Variants in DNAH7 observed in about 807,000 individuals in gnomAD.
DNAH7 encodes the protein dynein axonemal heavy chain 7.
DNAH7 carries 397 observed loss-of-function variants against 444.6 expected under a neutral mutation model. The observed-to-expected ratio is 0.89, with a 90% CI of 0.82 to 0.97. DNAH7 has a LOEUF of 0.97. DNAH7 is among the 50% of genes least tolerant of loss of function. The pLI, the probability that DNAH7 is intolerant of heterozygous loss-of-function variation, is 0.00. For synonymous variants in DNAH7, 1,636 were observed against 1,624.4 expected, an observed-to-expected ratio of 1.01 and a Z score of -0.17; for missense variants, 4,902 against 4,800.8, an observed-to-expected ratio of 1.02 and a Z score of -0.62.
chr2:195,992,271 C>T (rs1323020401), intron 12 of DNAH7, among the ~76,000 whole-genome samples: 1 of 152,232 alleles, frequency 6.6e-6, no homozygotes, highest in Non-Finnish European at 1.5e-5. Flanking sequence ...CCCAATGCTT[C>T]CTCTCGGACC....
intron 62 of DNAH7, among the ~76,000 whole-genome samples, chr2:195,755,184 T>C (rs1694013147): frequency 2.0e-5 from 3 of 152,208 alleles, no homozygotes; most frequent in African/African-American, 4.8e-5. Flanking sequence ...ACTTTTCTTC[T>C]CTCTCTAATT....
chr2:195,987,680 T>C (rs983008805), intron 13 of DNAH7, among the ~76,000 whole-genome samples: 4 of 152,012 alleles, frequency 2.6e-5, no homozygotes, highest in African/African-American at 7.2e-5. Flanking sequence ...AAAAATCAAA[T>C]AGGTTCTTGG....
rs765756348 is a variant in DNAH7, at chr2:196,012,929, G to A, written c.870-23C>T. The A allele has an allele frequency of 2.1e-6, 3 of 1,424,542 alleles. No individual in the cohort carries two copies. The African/African-American group carries it at 4.4e-5, about 21-fold the overall frequency. 88.2% of individuals were successfully genotyped at this position (1,424,542 alleles called of 1,614,324 possible). ...TTTCTGCAAAAGATAAAAATAAACA[G>A]TAATTTAACAATGACTTTTTTGGTA... On this transcript the variant is annotated intron_variant, in intron 9 of 64. Coordinates refer to ENST00000312428, the MANE Select transcript of DNAH7 (RefSeq NM_018897.3).
chr2:196,047,968 T>A (rs932660182), intron 4 of DNAH7, among the ~76,000 whole-genome samples: 2 of 152,016 alleles, frequency 1.3e-5, no homozygotes, highest in Non-Finnish European at 2.9e-5. Context: ...CCACAAAAAA[T>A]TTTAAAAAGA....
At chr2:195,872,557 A>G in intron 39 of DNAH7, 88 bp from the exon 40 acceptor site, 1 of 769,468 alleles carries the variant, frequency 1.3e-6, no homozygotes, top group Non-Finnish European at 2.0e-6. Context: ...GACCAACATA[A>G]AATTTTAATT....
intron 12 of DNAH7, chr2:195,995,137 C>G: frequency 3.7e-6 from 1 of 270,780 alleles, no homozygotes; most frequent in South Asian, 4.0e-5. Context: ...ACCATGTTGG[C>G]CAGGATGGTC....
intron 51 of DNAH7, among the ~76,000 whole-genome samples, chr2:195,810,319 C>A (rs1361905922): frequency 2.0e-5 from 3 of 152,056 alleles, no homozygotes; most frequent in Non-Finnish European, 4.4e-5. Context: ...TTCATAAAAG[C>A]TGAAGAAATC....
chr2:195,883,460 C>CCCG (rs1553548166), intron 35 of DNAH7, among the ~76,000 whole-genome samples: 13 of 149,754 alleles, frequency 8.7e-5, no homozygotes, highest in African/African-American at 3.2e-4. Context: ...CTCCCCCCCC[C>CCCG]CAAAAAAAAA....
chr2:195,868,587 A>T (rs1700490363), intron 40 of DNAH7, among the ~76,000 whole-genome samples: 1 of 149,690 alleles, frequency 6.7e-6, no homozygotes, highest in Non-Finnish European at 1.5e-5. Context: ...TTCTTTATGT[A>T]TTGTGGATAC....
intron 36 of DNAH7, among the ~76,000 whole-genome samples, 196 bp from the exon 37 acceptor site, chr2:195,876,895 C>G (rs16841373): frequency 0.017 from 2,570 of 152,224 alleles, 78 homozygotes; most frequent in African/African-American, 0.058. Flanking sequence ...TTGCATGTGA[C>G]TTCTCTGGTT....
At chr2:196,065,730 G>A (rs186351107) in intron 1 of DNAH7, among the ~76,000 whole-genome samples, 102 of 152,288 alleles carry the variant, frequency 6.7e-4, no homozygotes, top group African/African-American at 2.4e-3. Flanking sequence ...CATTCCAAGC[G>A]TCTAGCACTC....
At position 195,799,206 on chromosome 2, in the gene DNAH7, T is replaced by C; in HGVS notation, c.10353+90A>G. The C allele has an allele frequency of 3.4e-6, 4 of 1,170,490 alleles. No homozygotes were observed. The East Asian group carries it at 1.1e-4, about 33-fold the overall frequency. The allele number at this position is 1,170,490 out of a possible 1,614,324, so 72.5% of individuals were successfully genotyped here. A position where few individuals can be genotyped will look rare whatever the true frequency, so the allele number is the denominator to read the frequency against. On this transcript the variant is annotated intron_variant, in intron 55 of 64. Transcript: ENST00000312428. ...ACTTTCAAAGGTTGAATGACAAATT[T>C]CTACCTTTCCCTCATCCTTAAAATT...
At chr2:195,870,156 G>A (rs944005143) in intron 40 of DNAH7, among the ~76,000 whole-genome samples, 1 of 152,134 alleles carries the variant, frequency 6.6e-6, no homozygotes, top group Non-Finnish European at 1.5e-5. Context: ...TATTTATTGA[G>A]TGTTTTCTGT....
At chr2:195,961,230 T>C (rs1342943098) in intron 17 of DNAH7, among the ~76,000 whole-genome samples, 1 of 152,178 alleles carries the variant, frequency 6.6e-6, no homozygotes, top group Non-Finnish European at 1.5e-5. Context: ...CCTCACACAC[T>C]GATTTTTTTG....
At chr2:195,986,541 A>G (rs1692921693) in intron 14 of DNAH7, among the ~76,000 whole-genome samples, 1 of 152,202 alleles carries the variant, frequency 6.6e-6, no homozygotes. Flanking sequence ...TCTTAAAGAA[A>G]CAGGTATTCT....
intron 27 of DNAH7, chr2:195,903,903 G>A (rs1324304169): frequency 6.6e-6 from 1 of 152,110 alleles, no homozygotes; most frequent in African/African-American, 2.4e-5. Context: ...ACATGGACTG[G>A]TGCCTGACTC....
intron 15 of DNAH7, among the ~76,000 whole-genome samples, chr2:195,981,650 A>C (rs552834603): frequency 6.6e-6 from 1 of 152,274 alleles, no homozygotes; most frequent in Admixed American, 6.5e-5. Flanking sequence ...AGAACACAGA[A>C]ACCAATTCAT....
chr2:196,028,000 A>G lies in DNAH7; in HGVS notation c.446T>C (p.Ile149Thr). 1.2e-6 allele frequency: 2 copies of G among 1,612,132 alleles called. No individual in the cohort carries two copies. The highest frequency in any genetic ancestry group is 1.7e-6 in the Non-Finnish European group (2 of 1,178,888). Residue 149 changes from isoleucine (I) to threonine (T), a missense_variant, in exon 6 of 65, where the codon ATT (isoleucine) becomes ACT (threonine). By Grantham distance (89) the Ile-to-Thr change is moderately conservative (BLOSUM62 -1). Coordinates refer to ENST00000312428, the MANE Select transcript of DNAH7 (RefSeq NM_018897.3). ...TATAGCAGAAGCGGTCGGTTTTGGAATTGTGCTTCCATCAGGGACAGCTGA... is the reference window on the plus strand; with the variant it reads ...TATAGCAGAAGCGGTCGGTTTTGGAGTTGTGCTTCCATCAGGGACAGCTGA... ...LDSAVPDGST[I>T]PKPTASAIEK... is the part of the protein sequence containing the mutation.
At chr2:195,851,564 G>C (rs895738484) in intron 46 of DNAH7, among the ~76,000 whole-genome samples, 1 of 152,206 alleles carries the variant, frequency 6.6e-6, no homozygotes, top group African/African-American at 2.4e-5. Context: ...AAGCATTTGT[G>C]TGGTGGTCTG....
Sources: gnomAD v4.1 joint callset for allele counts (sites outside exome capture counted in the v4.1 genomes callset) on GRCh38, gnomAD v4.1.1 for gene constraint, MANE v1.5 for transcripts, NCBI Gene and HGNC (gene_info 2026-07-23, HGNC 2026-07-21) for gene names.